The following DOCK2 variants were observed in gnomAD, a reference collection of about 807,000 sequenced individuals.
DOCK2 encodes dedicator of cytokinesis protein 2.
DOCK2 carries 87 observed loss-of-function variants against 248.9 expected under a neutral mutation model. The observed-to-expected ratio is 0.35, with a 90% CI of 0.29 to 0.42. The LOEUF is 0.42. DOCK2 is among the 10% of genes least tolerant of loss of function. DOCK2 has a pLI of 1.00. For synonymous variants in DOCK2, 805 were observed against 821.6 expected (o/e 0.98, Z 0.35); for missense variants, 1,747 against 2,300.2 (o/e 0.76, Z 4.92).
At chr5:169,961,197 G>GC (rs1242632730) in intron 27 of DOCK2, among the ~76,000 whole-genome samples, 1 of 152,310 alleles carries the variant, frequency 6.6e-6, no homozygotes, top group Non-Finnish European at 1.5e-5. Context: ...TAAATGGGTA[G>GC]CCCCCCAAGG....
chr5:169,726,314 G>T (rs1311071110), intron 22 of DOCK2, among the ~76,000 whole-genome samples: 1 of 152,168 alleles, frequency 6.6e-6, no homozygotes, highest in Non-Finnish European at 1.5e-5. Flanking sequence ...CTTTTGAGAA[G>T]TGTCTGTTTA....
intron 2 of DOCK2, among the ~76,000 whole-genome samples, chr5:169,664,960 AT>A (rs1758642310): frequency 6.8e-6 from 1 of 147,586 alleles, no homozygotes; most frequent in South Asian, 2.1e-4. Flanking sequence ...ATATATGTTT[AT>A]ATATAAATAT....
At chr5:169,793,134 TATG>T (rs1766454428) in intron 25 of DOCK2, among the ~76,000 whole-genome samples, 1 of 152,236 alleles carries the variant, frequency 6.6e-6, no homozygotes, top group South Asian at 2.1e-4. Context: ...AAATGGTCTC[TATG>T]ATTACACCCT....
intron 27 of DOCK2, among the ~76,000 whole-genome samples, chr5:169,909,550 G>T (rs1581400514): frequency 6.6e-6 from 1 of 152,316 alleles, no homozygotes; most frequent in East Asian, 1.9e-4. Flanking sequence ...GTCCTGCAAG[G>T]TGAGTATTAT....
intron 26 of DOCK2, among the ~76,000 whole-genome samples, chr5:169,837,570 T>G (rs1769670361): frequency 6.6e-6 from 1 of 152,190 alleles, no homozygotes; most frequent in African/African-American, 2.4e-5. Context: ...CACCACTTAC[T>G]GAGGGCTTAC....
At chr5:169,866,931 A>C (rs1561777708) in intron 27 of DOCK2, among the ~76,000 whole-genome samples, 2 of 152,184 alleles carry the variant, frequency 1.3e-5, no homozygotes, top group African/African-American at 4.8e-5. Context: ...CAGAGATAGC[A>C]TCAGATTCCA....
chr5:169,760,778 G>A (rs1247461960), intron 24 of DOCK2, among the ~76,000 whole-genome samples: 5 of 152,116 alleles, frequency 3.3e-5, no homozygotes, highest in Non-Finnish European at 7.4e-5. Flanking sequence ...CATGCCAAAT[G>A]GGACCCAGTC....
intron 26 of DOCK2, among the ~76,000 whole-genome samples, chr5:169,812,215 C>T (rs1224488867): frequency 3.3e-5 from 5 of 152,222 alleles, no homozygotes; most frequent in African/African-American, 9.6e-5. Context: ...CCGCCTCCTT[C>T]AGATCAGCGA....
At chr5:170,019,164 C>G in intron 33 of DOCK2, 56 bp downstream of exon 33, 6 of 1,610,666 alleles carry the variant, frequency 3.7e-6, no homozygotes, top group Non-Finnish European at 4.2e-6. Context: ...GCCCATTTCC[C>G]CATAATGATA....
chr5:169,925,579 TAA>T (rs34833916), intron 27 of DOCK2, among the ~76,000 whole-genome samples: 3 of 80,258 alleles, frequency 3.7e-5, no homozygotes, highest in African/African-American at 5.1e-5. Context: ...GACTCTGTCT[TAA>T]AAAAAAAAAA....
intron 30 of DOCK2, among the ~76,000 whole-genome samples, chr5:170,002,655 G>A (rs1343807313): frequency 2.6e-5 from 4 of 152,110 alleles, no homozygotes; most frequent in Admixed American, 6.5e-5. Context: ...ATACCCACTA[G>A]CAGTATGACT....
At position 169,763,326 on chromosome 5, in the gene DOCK2, G is replaced by A. The variant is rs76388398; in HGVS notation, c.2554+1701G>A. 0.015 allele frequency among the ~76,000 whole-genome samples: 2,311 copies of A among 152,316 alleles called. 70 individuals are homozygous for A. The highest frequency in any genetic ancestry group is 0.053 in the African/African-American group (2,200 of 41,562). On this transcript the variant is annotated intron_variant, in intron 25 of 51. Coordinates refer to ENST00000520908, the MANE Select transcript of DOCK2 (RefSeq NM_004946.3). This position sits in a 1 kb window ranked among gnomAD's most constrained non-coding sequence, Gnocchi z 4.1. The stretch of plus-strand genomic sequence containing the variant: ...GAAGCCCCTCTCAGGATTTCAGGTG[G>A]TGCCACTGCAGAGGCAAATTGAGTC...
Position 170,082,853 on chromosome 5 carries a change from C to T in DOCK2, c.5488C>T (p.Leu1830=), listed in dbSNP as rs758123325. The change falls in exon 52 of 52, where the codon CTG becomes TTG. Residue 1830 remains leucine, a synonymous_variant. Transcript: ENST00000520908. ...GATCCCAGACTCGCTGTCCACGGAC[C>T]TGTGAGCTGCTGCTGACTAGGGCTG... is the stretch of plus-strand genomic sequence containing the variant. ...KQIPDSLSTD[L] is the part of the protein sequence containing the mutation. 1.2e-5 allele frequency: 20 copies of T among 1,614,096 alleles called. No homozygotes were observed. The Admixed American group carries it at 3.2e-4, about 26-fold the overall frequency.
chr5:169,734,924 G>A (rs753565809), intron 22 of DOCK2, among the ~76,000 whole-genome samples: 19 of 152,196 alleles, frequency 1.2e-4, no homozygotes, highest in African/African-American at 4.3e-4. Context: ...AAAGCTGGCT[G>A]CATTGCTCTG....
intron 46 of DOCK2, 50 bp downstream of exon 46, chr5:170,069,270 C>G (rs200739689): frequency 3.6e-5 from 58 of 1,589,374 alleles, no homozygotes; most frequent in Non-Finnish European, 4.5e-5. Context: ...CCTCTCCCCC[C>G]ACCGTGGTTC....
At chr5:169,680,825 G>T (rs954461202) in intron 6 of DOCK2, among the ~76,000 whole-genome samples, 4 of 152,020 alleles carry the variant, frequency 2.6e-5, no homozygotes, top group Non-Finnish European at 5.9e-5. Context: ...AACCTGTGTT[G>T]GTAGTTTGGT....
chr5:169,881,291 T>C, intron 27 of DOCK2: 1 of 1,248,158 alleles, frequency 8.0e-7, no homozygotes, highest in African/African-American at 1.5e-5. Flanking sequence ...CTTTTTGCAT[T>C]TAAAAGTTTG....
intron 27 of DOCK2, chr5:169,864,263 C>A (rs73801668): frequency 0.094 from 146,357 of 1,550,484 alleles, 7,594 homozygotes; most frequent in African/African-American, 0.16. Flanking sequence ...GGGGGATGGT[C>A]CCAACCAGCT....
In DOCK2 at chr5:169,689,312, C is replaced by T. The variant is rs1475720746; in HGVS notation, c.822C>T (p.Asn274=). 6.2e-7 allele frequency: 1 copy of T among 1,614,096 alleles called. No individual in the cohort carries two copies. Among genetic ancestry groups the T allele is most frequent in the Admixed American group, 1.7e-5 (1 of 60,020 alleles). ...RGFPKEIEML[N]NLKVVFTDLG... is the part of the protein sequence containing the mutation. Reference sequence around the variant, plus strand: ...TCCCTAAGGAGATTGAGATGCTCAACAATCTGAAGGTGGTCTTCACGGTGA... The same window carrying T: ...TCCCTAAGGAGATTGAGATGCTCAATAATCTGAAGGTGGTCTTCACGGTGA... Residue 274 remains asparagine, a synonymous_variant, in exon 9 of 52, where the codon AAC becomes AAT. Transcript: ENST00000520908.
Sources: gnomAD v4.1 joint callset for allele counts (sites outside exome capture counted in the v4.1 genomes callset) on GRCh38, gnomAD v4.1.1 for gene constraint, Gnocchi (gnomAD v3.1) non-coding constraint, MANE v1.5 for transcripts, NCBI Gene and HGNC (gene_info 2026-07-23, HGNC 2026-07-21) for gene names.